AMN: variants seen among roughly 807,000 people sequenced by gnomAD.
AMN encodes protein amnionless.
AMN carries 40 observed loss-of-function variants against 49.1 expected under a neutral mutation model. That is an observed-to-expected ratio of 0.81 (90% CI 0.63 to 1.06). AMN has a LOEUF of 1.06. AMN is among the 50% of genes least tolerant of loss of function. The pLI is 0.00. For missense variants in AMN, 701 were observed against 662.8 expected, an observed-to-expected ratio of 1.06 and a Z score of -0.63; for synonymous variants, 380 against 313.3, an observed-to-expected ratio of 1.21 and a Z score of -2.25.
At chr14:102,924,836 C>G (rs763047947) in intron 3 of AMN, among the ~76,000 whole-genome samples, 1 of 152,204 alleles carries the variant, frequency 6.6e-6, no homozygotes, top group Non-Finnish European at 1.5e-5. Context: ...GGTGGAGTTC[C>G]GCAAGCTACA....
rs765056352 is a variant in AMN at position 102,923,988 on chromosome 14, G to A, written c.207+9G>A. The A allele has an allele frequency of 8.1e-6, 13 of 1,613,142 alleles. No homozygotes were observed. Among genetic ancestry groups the A allele is most frequent in the South Asian group, 5.5e-5 (5 of 91,092 alleles). On this transcript the variant is annotated intron_variant, in intron 3 of 11. Coordinates refer to ENST00000299155, the MANE Select transcript of AMN (RefSeq NM_030943.4). ...ACGCCGTCTCAGACATGGTAAGGCC[G>A]GGCTGCTACTGCCACTGGGCTGGGG...
chr14:102,929,471 G>T lies in AMN; in HGVS notation c.695G>T (p.Gly232Val). ...ICAALLQPLG[G>V]RCPQAACHSA... ...GCGGCCCTGCTCCAGCCCCTGGGCG[G>T]CCGCTGCCCCCAGGCCGCCTGCCAC... Residue 232 changes from glycine to valine, a missense_variant, in exon 7 of 12, where the codon GGC becomes GTC. Gly to Val is a moderately radical substitution (Grantham distance 109). Transcript: ENST00000299155. The T allele has an allele frequency of 1.4e-5, 22 of 1,531,494 alleles. No homozygotes were observed. The highest frequency in any genetic ancestry group is 1.9e-5 in the Non-Finnish European group (22 of 1,145,198). 94.9% of individuals were successfully genotyped at this position (1,531,494 alleles called of 1,614,324 possible). A position where few individuals can be genotyped will look rare whatever the true frequency, so the allele number is the denominator to read the frequency against.
At chr14:102,928,643 GAA>G in intron 4 of AMN, 113 bp from the exon 5 acceptor site, 1 of 1,493,850 alleles carries the variant, frequency 6.7e-7, no homozygotes, top group Non-Finnish European at 9.0e-7. Flanking sequence ...GGGAGTGGCG[GAA>G]GTGTCCCGAA....
chr14:102,928,581 G>A, intron 4 of AMN, 68 bp downstream of exon 4: 1 of 1,536,038 alleles, frequency 6.5e-7, no homozygotes, highest in Non-Finnish European at 8.8e-7. Context: ...GAGGGAAGGC[G>A]CGTCGAGGGG....
chr14:102,927,997 C>G, intron 3 of AMN, among the ~76,000 whole-genome samples: 1 of 152,230 alleles, frequency 6.6e-6, no homozygotes, highest in Non-Finnish European at 1.5e-5. Flanking sequence ...GCCTCAGACT[C>G]CCCAGGAGCC....
intron 3 of AMN, 110 bp from the exon 4 acceptor site, chr14:102,928,316 C>G: frequency 9.9e-7 from 1 of 1,007,462 alleles, no homozygotes; most frequent in Non-Finnish European, 1.5e-6. Context: ...CGCCCGGGCT[C>G]CTTCCGTGCA....
chr14:102,923,114 A>G (rs1340541451), intron 1 of AMN: 3 of 268,228 alleles, frequency 1.1e-5, no homozygotes, highest in African/African-American at 4.6e-5. Flanking sequence ...CCAAGGGAGC[A>G]CTGAGCCCTC....
In AMN at chr14:102,923,846, G is replaced by A; in HGVS notation, c.162+17G>A. ...GCGGACAAGGTGCCTGGGAGCGCCG[G>A]CGGGGTCGGTGATGGGCCTGGACCC... is the stretch of plus-strand genomic sequence containing the variant. On this transcript the variant is annotated intron_variant, in intron 2 of 11. Transcript: ENST00000299155. 2 of 1,612,564 alleles carry A rather than the reference G, an allele frequency of 1.2e-6. No homozygotes were observed. The highest frequency in any genetic ancestry group is 1.7e-6 in the Non-Finnish European group (2 of 1,179,764).
chr14:102,926,385 T>C (rs1193970736), intron 3 of AMN, among the ~76,000 whole-genome samples: 1 of 152,014 alleles, frequency 6.6e-6, no homozygotes, highest in African/African-American at 2.4e-5. Context: ...GTGTTGTGGG[T>C]CTCTCTGAGC....
At chr14:102,923,004 C>A (rs1595429888) in intron 1 of AMN, 1 of 475,870 alleles carries the variant, frequency 2.1e-6, no homozygotes, top group Non-Finnish European at 3.7e-6. Context: ...CCTGCCCTCG[C>A]GGTTTTTCCG....
chr14:102,927,717 G>A (rs1299490697), intron 3 of AMN, among the ~76,000 whole-genome samples: 2 of 152,236 alleles, frequency 1.3e-5, no homozygotes, highest in African/African-American at 2.4e-5. Context: ...TGAGGGAGAA[G>A]TGCAGAAGCA....
At chr14:102,929,351 C>T in intron 6 of AMN, 77 bp from the exon 7 acceptor site, 1 of 1,505,230 alleles carries the variant, frequency 6.6e-7, no homozygotes, top group Non-Finnish European at 8.8e-7. Flanking sequence ...CTCTCGCCGG[C>T]TTGCTTCTCG....
intron 7 of AMN, 43 bp from the exon 8 acceptor site, chr14:102,929,612 C>T (rs965147792): frequency 2.6e-6 from 4 of 1,547,654 alleles, no homozygotes; most frequent in African/African-American, 2.7e-5. Context: ...AGTTTCCTGC[C>T]GGGCCCGGAT....
chr14:102,924,074 G>T, intron 3 of AMN, 95 bp downstream of exon 3: 1 of 1,549,696 alleles, frequency 6.5e-7, no homozygotes, highest in South Asian at 1.1e-5. Context: ...GACCCCACCG[G>T]CATGGAGGCA....
chr14:102,929,852 C>G, intron 8 of AMN, 72 bp from the exon 9 acceptor site: 1 of 1,547,080 alleles, frequency 6.5e-7, no homozygotes, highest in Non-Finnish European at 8.7e-7. Context: ...CTATCTGCCT[C>G]TGCCCTTAGC....
intron 3 of AMN, 55 bp downstream of exon 3, chr14:102,924,034 G>T: frequency 1.2e-6 from 2 of 1,609,426 alleles, no homozygotes; most frequent in Admixed American, 1.7e-5. Flanking sequence ...TCTCTGAAGC[G>T]CCTTCAGGGA....
In AMN at chr14:102,928,474, G is replaced by A; in HGVS notation, c.256G>A (p.Gly86Ser). The part of the protein sequence containing the change: ...ELVLASGAGF[G>S]VSDVGSHLDC... ...CGTCCTGGCTTCAGGAGCCGGATTC[G>A]GCGTCTCAGACGTGGGCTCGCACCT... Residue 86 changes from glycine (G) to serine (S), a missense_variant, in exon 4 of 12, where the codon GGC (glycine) becomes AGC (serine). Physicochemically the swap from Gly to Ser is moderately conservative, Grantham distance 56. Coordinates refer to ENST00000299155, the MANE Select transcript of AMN (RefSeq NM_030943.4). 1 of 1,609,808 alleles carries A rather than the reference G, an allele frequency of 6.2e-7. No homozygotes were observed. Among genetic ancestry groups the A allele is most frequent in the Non-Finnish European group, 8.5e-7 (1 of 1,179,138 alleles).
rs1891332314 is a variant in AMN, at chr14:102,930,648, CCT to C, written c.1333_1334del (p.Leu445ValfsTer?). 2 of 1,599,084 alleles carry C rather than the reference CCT, an allele frequency of 1.3e-6. No individual in the cohort carries two copies. On this transcript the variant is annotated frameshift_variant, in exon 12 of 12. Transcript: ENST00000299155. LOFTEE classifies it high-confidence loss of function. ...DSTSHSYFVN[P>X]LFAGAEAEA ...CACCAGCCACAGTTACTTCGTCAAC[CCT>C]CTGTTCGCCGGGGCCGAGGCCGAGG...
rs1437936748 is a variant in AMN at position 102,930,500 on chromosome 14, G to T, written c.1257+7G>T. The T allele has an allele frequency of 1.1e-5, 17 of 1,537,932 alleles. No individual in the cohort carries two copies. The highest frequency in any genetic ancestry group is 1.5e-5 in the Non-Finnish European group (17 of 1,143,642). ...GACGGCCTCCGAGGAGCTGGTGAGG[G>T]GGCTGGAGGGGGGACCGGGGCCTCC... On this transcript the variant is annotated splice_region_variant and intron_variant, in intron 11 of 11. Coordinates refer to ENST00000299155, the MANE Select transcript of AMN (RefSeq NM_030943.4).
Sources: gnomAD v4.1 joint callset for allele counts (sites outside exome capture counted in the v4.1 genomes callset) on GRCh38, gnomAD v4.1.1 for gene constraint, MANE v1.5 for transcripts, NCBI Gene and HGNC (gene_info 2026-07-23, HGNC 2026-07-21) for gene names.